MIER1: variants seen among roughly 807,000 people sequenced by gnomAD.
MIER1 encodes the protein mesoderm induction early response protein 1.
MIER1 carries 40 observed loss-of-function variants against 75.7 expected under a neutral mutation model. That is an observed-to-expected ratio of 0.53 (90% CI 0.41 to 0.69). The LOEUF (loss-of-function observed/expected upper bound fraction) is 0.69. Ranked by LOEUF, MIER1 falls within the 30% of genes least tolerant of loss-of-function variation. MIER1 has a pLI of 0.00. For synonymous variants in MIER1, 213 were observed against 223.4 expected, an observed-to-expected ratio of 0.95 and a Z score of 0.42; for missense variants, 574 against 680.2, an observed-to-expected ratio of 0.84 and a Z score of 1.74.
intron 4 of MIER1, among the ~76,000 whole-genome samples, chr1:66,953,338 A>G (rs1659394153): frequency 1.3e-5 from 2 of 152,224 alleles, no homozygotes; most frequent in African/African-American, 2.4e-5. Flanking sequence ...ACACAAATAC[A>G]TGCTATTGCA....
chr1:66,945,506 C>T (rs527536896), intron 3 of MIER1, among the ~76,000 whole-genome samples: 2 of 152,128 alleles, frequency 1.3e-5, no homozygotes, highest in South Asian at 4.2e-4. Context: ...AGGGCTGACT[C>T]ACAGTCTCCT....
chr1:66,936,488 C>T (rs902494708), intron 2 of MIER1, among the ~76,000 whole-genome samples: 6 of 152,106 alleles, frequency 3.9e-5, no homozygotes, highest in African/African-American at 1.4e-4. Context: ...CTGCCTCGGC[C>T]TCCCAAAGTG....
chr1:66,930,649 A>T (rs939937415), intron 2 of MIER1, among the ~76,000 whole-genome samples: 1 of 150,568 alleles, frequency 6.6e-6, no homozygotes, highest in Non-Finnish European at 1.5e-5. Context: ...GCAGCGTAGT[A>T]GTGCGGTGCG....
At chr1:66,930,252 G>C (rs1389151907) in intron 2 of MIER1, 2 of 1,499,512 alleles carry the variant, frequency 1.3e-6, no homozygotes, top group African/African-American at 1.4e-5. Context: ...GGCGGCTCCT[G>C]CGCGTTCCCG....
chr1:66,975,091 T>A (rs1408596825), intron 11 of MIER1, among the ~76,000 whole-genome samples: 1 of 152,188 alleles, frequency 6.6e-6, no homozygotes, highest in African/African-American at 2.4e-5. Flanking sequence ...AAGCAAAATA[T>A]ATGTTGGGTA....
chr1:66,932,423 G>A (rs919417564), intron 2 of MIER1, among the ~76,000 whole-genome samples: 1 of 152,084 alleles, frequency 6.6e-6, no homozygotes, highest in Admixed American at 6.5e-5. Flanking sequence ...ATAGTGAATT[G>A]GGGAAGAGTT....
chr1:66,950,785 G>A (rs1658751516), intron 4 of MIER1, among the ~76,000 whole-genome samples: 1 of 151,656 alleles, frequency 6.6e-6, no homozygotes, highest in African/African-American at 2.4e-5. Context: ...TTCCTATATA[G>A]TTTTATCTTC....
At chr1:66,932,952 A>G (rs956619157) in intron 2 of MIER1, 2 of 152,162 alleles carry the variant, frequency 1.3e-5, no homozygotes, top group African/African-American at 4.8e-5. Context: ...AATAGGATAT[A>G]CTAATTTTTT....
At chr1:66,925,635 C>T (rs370850729) in intron 1 of MIER1, 19 of 766,678 alleles carry the variant, frequency 2.5e-5, no homozygotes, top group Non-Finnish European at 2.9e-5. Flanking sequence ...GTCCTCCTAG[C>T]GCGTGGGAGG....
intron 4 of MIER1, among the ~76,000 whole-genome samples, chr1:66,948,907 CCT>C (rs1266208073): frequency 6.6e-6 from 1 of 151,998 alleles, no homozygotes; most frequent in Non-Finnish European, 1.5e-5. Flanking sequence ...TACTATTTAC[CCT>C]GTTTTATTTT....
At chr1:66,953,567 TA>T (rs952135814) in intron 4 of MIER1, among the ~76,000 whole-genome samples, 1 of 152,098 alleles carries the variant, frequency 6.6e-6, no homozygotes, top group African/African-American at 2.4e-5. Context: ...GTTACAAGTT[TA>T]ATACTAGTAA....
chr1:66,976,461 C>T, intron 11 of MIER1, 134 bp from the exon 12 acceptor site: 1 of 633,004 alleles, frequency 1.6e-6, no homozygotes, highest in Non-Finnish European at 2.5e-6. Context: ...ATAGCTGCTA[C>T]ACTGTTGTAT....
At chr1:66,941,486 T>A (rs1474770776) in intron 3 of MIER1, among the ~76,000 whole-genome samples, 1 of 152,178 alleles carries the variant, frequency 6.6e-6, no homozygotes, top group Non-Finnish European at 1.5e-5. Context: ...ACTTGTTTCT[T>A]ATAGTATTGT....
chr1:66,975,067 T>G (rs1664424537), intron 11 of MIER1, among the ~76,000 whole-genome samples: 1 of 152,132 alleles, frequency 6.6e-6, no homozygotes, highest in Admixed American at 6.5e-5. Context: ...AGCTGTACAG[T>G]GCAAACGGGA....
chr1:66,940,732 T>C (rs528604791), intron 3 of MIER1, among the ~76,000 whole-genome samples: 1 of 152,334 alleles, frequency 6.6e-6, no homozygotes, highest in South Asian at 2.1e-4. Flanking sequence ...ATATATGAAA[T>C]CTGGATTTAG....
chr1:66,954,006 T>C (rs1028818891), intron 4 of MIER1, among the ~76,000 whole-genome samples: 2 of 152,312 alleles, frequency 1.3e-5, no homozygotes, highest in Non-Finnish European at 2.9e-5. Context: ...TTAGAAGGTA[T>C]ATGAAAGTGT....
chr1:66,981,819 G>GC lies in MIER1; in HGVS notation c.1271dup (p.Ser425IlefsTer2). On this transcript the variant is annotated frameshift_variant, in exon 13 of 14. Transcript: ENST00000401041. LOFTEE classifies it high-confidence loss of function. ...TCTTCTAGACGAAAGTGAAAGTGCT[G>GC]CATCTAGTCGAGCACCATCCCCTCC... The GC allele has an allele frequency of 1.2e-6, 2 of 1,613,956 alleles. No individual in the cohort carries two copies. Among genetic ancestry groups the GC allele is most frequent in the Non-Finnish European group, 1.7e-6 (2 of 1,179,856 alleles).
In MIER1 at chr1:66,979,156, C is replaced by T. The variant is rs148588264; in HGVS notation, c.1229+2434C>T. The stretch of plus-strand genomic sequence containing the variant: ...ATCATACTTTTTTACTGAGACTCTT[C>T]CCTTTTAGCTGTGTTATGTCTTCTG... On this transcript the variant is annotated intron_variant, in intron 12 of 13. Coordinates refer to ENST00000401041, the MANE Select transcript of MIER1 (RefSeq NM_001077700.3). Among the ~76,000 whole-genome samples the T allele has an allele frequency of 5.8e-3, 882 of 151,952 alleles. 7 individuals are homozygous for T. Among genetic ancestry groups the T allele is most frequent in the African/African-American group, 0.02 (819 of 41,460 alleles).
At chr1:66,925,511 C>T in intron 1 of MIER1, 2 of 985,472 alleles carry the variant, frequency 2.0e-6, no homozygotes, top group Non-Finnish European at 2.4e-6. Context: ...CCGGGAGGCT[C>T]TCGCTTGCAC....
Sources: allele counts gnomAD v4.1 joint callset (sites outside exome capture counted in the v4.1 genomes callset), GRCh38; gene constraint gnomAD v4.1.1; transcripts MANE v1.5; gene names NCBI Gene and HGNC (gene_info 2026-07-23, HGNC 2026-07-21).